SNX29: variants seen among roughly 807,000 people sequenced by gnomAD.
SNX29 encodes sorting nexin-29.
Under a neutral mutation model 102.1 loss-of-function variants are expected in SNX29, and 78 were observed. That is an observed-to-expected ratio of 0.76 (90% CI 0.64 to 0.92). SNX29 has a LOEUF of 0.92. SNX29 is among the 40% of genes least tolerant of loss of function. The pLI, the probability that SNX29 is intolerant of heterozygous loss-of-function variation, is 0.00. For missense variants in SNX29, 1,280 were observed against 1,061.7 expected (o/e 1.21, Z -2.86); for synonymous variants, 580 against 414.5 (o/e 1.40, Z -4.85).
chr16:12,123,064 T>G (rs377260398), intron 11 of SNX29, among the ~76,000 whole-genome samples: 1 of 152,178 alleles, frequency 6.6e-6, no homozygotes, highest in East Asian at 1.9e-4. Flanking sequence ...TGACCTCAAG[T>G]GATCTGCCTG....
chr16:12,333,440 G>A (rs946130411), intron 15 of SNX29, among the ~76,000 whole-genome samples: 1 of 152,106 alleles, frequency 6.6e-6, no homozygotes, highest in South Asian at 2.1e-4. Context: ...TAGGATGTTG[G>A]TAGAGTTTTC....
At position 12,569,822 on chromosome 16, in the gene SNX29, A is replaced by C. The variant is rs191806485; in HGVS notation, c.*1193A>C. On this transcript the variant is annotated 3_prime_UTR_variant, in exon 21 of 21. Transcript: ENST00000566228. ...GCTCAGCAAAGTTGTGGCAGTTTGC[A>C]TTTCTAGGGTAAACTAACTAGGAAG... 2 of 230,482 alleles carry C rather than the reference A, an allele frequency of 8.7e-6. No individual in the cohort carries two copies. The highest frequency in any genetic ancestry group is 2.2e-5 in the African/African-American group (1 of 45,314). The allele number at this position is 230,482 out of a possible 1,614,324, so 14.3% of individuals were successfully genotyped here. A position where few individuals can be genotyped will look rare whatever the true frequency, so the allele number is the denominator to read the frequency against.
chr16:12,061,350 C>G (rs1186671701), intron 8 of SNX29, among the ~76,000 whole-genome samples, 178 bp from the exon 9 acceptor site: 1 of 152,216 alleles, frequency 6.6e-6, no homozygotes, highest in African/African-American at 2.4e-5. Context: ...GTTGAGAGAA[C>G]AAATGCAAGA....
At chr16:12,533,375 G>A (rs1321575494) in intron 20 of SNX29, among the ~76,000 whole-genome samples, 2 of 152,194 alleles carry the variant, frequency 1.3e-5, no homozygotes, top group African/African-American at 4.8e-5. Context: ...GGCTGTTTGA[G>A]GTCATGGAGT....
At chr16:12,520,714 G>A (rs1047456384) in intron 19 of SNX29, among the ~76,000 whole-genome samples, 9 of 152,168 alleles carry the variant, frequency 5.9e-5, no homozygotes, top group African/African-American at 1.4e-4. Context: ...ACCGAATCCC[G>A]TGTGTTCTCA....
intron 20 of SNX29, among the ~76,000 whole-genome samples, chr16:12,568,254 G>C (rs1488924845): frequency 6.7e-6 from 1 of 149,746 alleles, no homozygotes; most frequent in Non-Finnish European, 1.5e-5. Context: ...GTGGTACCAT[G>C]AGCTAGCTCA....
intron 15 of SNX29, among the ~76,000 whole-genome samples, chr16:12,331,495 A>T (rs373420937): frequency 2.6e-5 from 4 of 152,298 alleles, no homozygotes; most frequent in African/African-American, 9.6e-5. Flanking sequence ...ATGTTCCTTA[A>T]TGTCTCTGAG....
chr16:12,394,309 G>A (rs1037696474), intron 16 of SNX29, among the ~76,000 whole-genome samples: 4 of 152,178 alleles, frequency 2.6e-5, no homozygotes, highest in Admixed American at 2.0e-4. Flanking sequence ...GGCAAGATGC[G>A]AAGAACGGAT....
chr16:12,074,071 G>T, intron 10 of SNX29, among the ~76,000 whole-genome samples: 2 of 150,942 alleles, frequency 1.3e-5, no homozygotes, highest in Non-Finnish European at 3.0e-5. Context: ...GTCTCTGCAC[G>T]TGAGATGGGT....
chr16:12,440,425 A>T lies in SNX29; in HGVS notation c.2037+36896A>T, dbSNP rs182102127. Among the ~76,000 whole-genome samples, 152 of 152,270 alleles carry T rather than the reference A, an allele frequency of 1.0e-3. 3 individuals carry two copies. In the South Asian group the frequency reaches 0.021, roughly 21 times the overall value. ...CCCCTCCTAGCCCTTGGAAGCCAGTAATCGACTTTCTTTTCTTTTTTAAGT... is the reference window on the plus strand; with the variant it reads ...CCCCTCCTAGCCCTTGGAAGCCAGTTATCGACTTTCTTTTCTTTTTTAAGT... On this transcript the variant is annotated intron_variant, in intron 18 of 20. Coordinates refer to ENST00000566228, the MANE Select transcript of SNX29 (RefSeq NM_032167.5).
chr16:12,537,868 C>G (rs957751245), intron 20 of SNX29, among the ~76,000 whole-genome samples: 2 of 151,968 alleles, frequency 1.3e-5, no homozygotes, highest in African/African-American at 2.4e-5. Context: ...GCTTATAGTC[C>G]CAGCTTTTTG....
rs1257516243 is a variant in SNX29 at position 12,068,960 on chromosome 16, T to C, written c.1244-97T>C. 6.7e-5 allele frequency: 75 copies of C among 1,127,496 alleles called. 1 individual carries two copies. The Admixed American group carries it at 1.5e-3, about 23-fold the overall frequency. The allele number at this position is 1,127,496 out of a possible 1,614,324, so 69.8% of individuals were successfully genotyped here. A position where few individuals can be genotyped will look rare whatever the true frequency, so the allele number is the denominator to read the frequency against. On this transcript the variant is annotated intron_variant, in intron 9 of 20. Transcript: ENST00000566228. Reference sequence around the variant, plus strand: ...GGAGAAAAATTTCTTAGTCAAGTGATGTAGCAGATGAGCCAATGTCTGCAT... The same window carrying C: ...GGAGAAAAATTTCTTAGTCAAGTGACGTAGCAGATGAGCCAATGTCTGCAT...
intron 15 of SNX29, among the ~76,000 whole-genome samples, chr16:12,323,816 ATGT>A (rs894606506): frequency 1.3e-5 from 2 of 152,130 alleles, no homozygotes; most frequent in African/African-American, 4.8e-5. Context: ...CCTCCCAGAG[ATGT>A]TGGGACTAGA....
chr16:12,288,242 A>G (rs1169992921), intron 15 of SNX29, among the ~76,000 whole-genome samples: 1 of 152,204 alleles, frequency 6.6e-6, no homozygotes, highest in Non-Finnish European at 1.5e-5. Flanking sequence ...TCCATCAGAC[A>G]TGCCCGTGGG....
chr16:12,407,428 A>T (rs908290301), intron 18 of SNX29, among the ~76,000 whole-genome samples: 1 of 152,140 alleles, frequency 6.6e-6, no homozygotes, highest in Non-Finnish European at 1.5e-5. Flanking sequence ...CCCCTTTAAA[A>T]TATATTTTAG....
chr16:12,058,797 GTTTTT>G (rs34150245), intron 8 of SNX29, among the ~76,000 whole-genome samples: 1 of 113,744 alleles, frequency 8.8e-6, no homozygotes, highest in Non-Finnish European at 1.8e-5. Context: ...CCCGGCCTGG[GTTTTT>G]TTTTTTTTTT....
chr16:12,320,041 G>A (rs955889211), intron 15 of SNX29, among the ~76,000 whole-genome samples: 21 of 152,168 alleles, frequency 1.4e-4, no homozygotes, highest in Admixed American at 1.2e-3. Flanking sequence ...CCCTGCTCCT[G>A]GGGAGCTGCC....
intron 13 of SNX29, among the ~76,000 whole-genome samples, chr16:12,192,795 C>T (rs1269123609): frequency 3.3e-5 from 5 of 152,178 alleles, no homozygotes; most frequent in Non-Finnish European, 7.3e-5. Context: ...CTCTGCCTCC[C>T]GGGTTCAAGC....
At position 12,558,434 on chromosome 16, in the gene SNX29, G is replaced by T. The variant is rs534920295; in HGVS notation, c.2319-10072G>T. 2.6e-4 allele frequency among the ~76,000 whole-genome samples: 39 copies of T among 152,324 alleles called. 1 individual carries two copies. In the South Asian group the frequency reaches 5.8e-3, roughly 23 times the overall value. ...AGTGGTGAAAGCTGACATCTAGAAAGCATTGGTAGACTTCTGTATGAACTT... is the reference window on the plus strand; with the variant it reads ...AGTGGTGAAAGCTGACATCTAGAAATCATTGGTAGACTTCTGTATGAACTT... On this transcript the variant is annotated intron_variant, in intron 20 of 20. Coordinates refer to ENST00000566228, the MANE Select transcript of SNX29 (RefSeq NM_032167.5).
Sources: gnomAD v4.1 joint callset for allele counts (sites outside exome capture counted in the v4.1 genomes callset) on GRCh38, gnomAD v4.1.1 for gene constraint, MANE v1.5 for transcripts, NCBI Gene and HGNC (gene_info 2026-07-23, HGNC 2026-07-21) for gene names.